Variants in MAP1B observed in about 807,000 individuals in gnomAD.
MAP1B encodes microtubule associated protein 1B.
MAP1B carries 12 observed loss-of-function variants against 176.1 expected under a neutral mutation model. That is an observed-to-expected ratio of 0.07 (90% confidence interval 0.04 to 0.11). The LOEUF (loss-of-function observed/expected upper bound fraction) is 0.11, where lower values mean the gene tolerates loss of function less well. Among genes scored for constraint, MAP1B ranks in the 10% least tolerant of loss-of-function variants. MAP1B has a pLI of 1.00. For synonymous variants in MAP1B, 1,044 were observed against 1,135.0 expected (o/e 0.92, Z 1.61); for missense variants, 2,523 against 2,990.5 (o/e 0.84, Z 3.65).
In MAP1B at chr5:72,151,766, C is replaced by T. The variant is rs1746144521; in HGVS notation, c.287-31977C>T. On this transcript the variant is annotated intron_variant, in intron 2 of 6. Transcript: ENST00000296755. Reference sequence around the variant, plus strand: ...CTCACCCAGGGGCCAGCCTCTCTCTCTGTGTTTTTTACAGTTCCCTCCCTG... The same window carrying T: ...CTCACCCAGGGGCCAGCCTCTCTCTTTGTGTTTTTTACAGTTCCCTCCCTG... 3.3e-5 allele frequency among the ~76,000 whole-genome samples: 5 copies of T among 152,324 alleles called. No individual in the cohort carries two copies. The South Asian group carries it at 1.0e-3, about 32-fold the overall frequency.
intron 2 of MAP1B, among the ~76,000 whole-genome samples, chr5:72,179,344 G>A (rs1030314457): frequency 1.3e-5 from 2 of 152,236 alleles, no homozygotes; most frequent in Non-Finnish European, 2.9e-5. Context: ...GTCGAATGGA[G>A]AATGCGGACT....
rs1437630406 is a variant in MAP1B at position 72,199,071 on chromosome 5, T to A, written c.5716T>A (p.Tyr1906Asn). ...TRTSDVGGYY[Y>N]EKIERTTKSP... ...GACCTCAGATGTGGGTGGCTATTAC[T>A]ATGAGAAGATAGAGAGAACCACAAA... Residue 1906 changes from tyrosine to asparagine, a missense_variant, in exon 5 of 7, where the codon TAT (tyrosine) becomes AAT (asparagine). By Grantham distance (143) the Tyr-to-Asn change is moderately radical (BLOSUM62 -2). Around this residue, in one of 4 missense-constraint regions of MAP1B, gnomAD observed 1,925 missense variants for 2,126.0 expected, o/e 0.91. Coordinates refer to ENST00000296755, the MANE Select transcript of MAP1B (RefSeq NM_005909.5). This position sits in a 1 kb window ranked among gnomAD's most constrained non-coding sequence, Gnocchi z 4.2. 1 of 1,613,974 alleles carries A rather than the reference T, an allele frequency of 6.2e-7. No homozygotes were observed. Among genetic ancestry groups the A allele is most frequent in the African/African-American group, 1.3e-5 (1 of 74,912 alleles).
intron 2 of MAP1B, among the ~76,000 whole-genome samples, chr5:72,159,415 T>C (rs1386785232): frequency 2.3e-5 from 3 of 129,214 alleles, no homozygotes; most frequent in African/African-American, 8.2e-5. Flanking sequence ...GTCTGGTGTC[T>C]GGAAGCTACT....
rs745858731 is a variant in MAP1B at position 72,196,607 on chromosome 5, A to G, written c.3252A>G (p.Ser1084=). 5.6e-6 allele frequency: 9 copies of G among 1,613,936 alleles called. No individual in the cohort carries two copies. Among genetic ancestry groups the G allele is most frequent in the Non-Finnish European group, 7.6e-6 (9 of 1,180,034 alleles). The change falls in exon 5 of 7, where the codon TCA becomes TCG. Residue 1084 remains serine (S), a synonymous_variant. Coordinates refer to ENST00000296755, the MANE Select transcript of MAP1B (RefSeq NM_005909.5). This position sits in a 1 kb window ranked among gnomAD's most constrained non-coding sequence, Gnocchi z 5.3. ...CTCCTGGCCGAGAACCTGCATCTTC[A>G]ATTCATGATGAGACTTTACCTGGAG... ...AQSPGREPAS[S]IHDETLPGGS... is the part of the protein sequence containing the mutation.
At chr5:72,147,691 G>A (rs1282870552) in intron 2 of MAP1B, among the ~76,000 whole-genome samples, 1 of 152,206 alleles carries the variant, frequency 6.6e-6, no homozygotes, top group Non-Finnish European at 1.5e-5. Context: ...CTCCAGTACA[G>A]ACAGAAGGTG....
Position 72,129,120 on chromosome 5 carries a change from TC to T in MAP1B, c.286+13323del, listed in dbSNP as rs140202151. On this transcript the variant is annotated intron_variant, in intron 2 of 6. Coordinates refer to ENST00000296755, the MANE Select transcript of MAP1B (RefSeq NM_005909.5). ...AAGATTTATCTGGAATATCTTTAGA[TC>T]CTAGGAAGAGACAAGGTTGTCTAGC... Among the ~76,000 whole-genome samples the T allele has an allele frequency of 8.3e-3, 1,260 of 152,328 alleles. 16 individuals carry two copies. The highest frequency in any genetic ancestry group is 0.029 in the African/African-American group (1,194 of 41,568).
Position 72,196,056 on chromosome 5 carries a change from G to A in MAP1B, c.2701G>A (p.Gly901Arg). The stretch of plus-strand genomic sequence containing the variant: ...TGATGAGGGAATCACTACCACTGAA[G>A]GGGAGGGCGAATGTGAACAGACACC... ...SPDEGITTTE[G>R]EGECEQTPEE... is the part of the protein sequence containing the mutation. Residue 901 changes from glycine (G) to arginine (R), a missense_variant, in exon 5 of 7, where the codon GGG becomes AGG. By Grantham distance (125) the Gly-to-Arg change is moderately radical. Around this residue, in one of 4 missense-constraint regions of MAP1B, gnomAD observed 1,925 missense variants for 2,126.0 expected, o/e 0.91. Coordinates refer to ENST00000296755, the MANE Select transcript of MAP1B (RefSeq NM_005909.5). This position sits in a 1 kb window ranked among gnomAD's most constrained non-coding sequence, Gnocchi z 5.3. 1.2e-6 allele frequency: 2 copies of A among 1,614,200 alleles called. No individual in the cohort carries two copies. The highest frequency in any genetic ancestry group is 2.2e-5 in the East Asian group (1 of 44,882).
At chr5:72,131,031 T>G (rs1009220436) in intron 2 of MAP1B, among the ~76,000 whole-genome samples, 1 of 152,200 alleles carries the variant, frequency 6.6e-6, no homozygotes, top group Non-Finnish European at 1.5e-5. Context: ...TCTGGTAATG[T>G]GTCAGTACTA....
At chr5:72,134,906 T>G (rs1745808768) in intron 2 of MAP1B, among the ~76,000 whole-genome samples, 1 of 147,230 alleles carries the variant, frequency 6.8e-6, no homozygotes, top group South Asian at 2.3e-4. Context: ...TAGTATGTCT[T>G]AAAGTCTCAT....
chr5:72,168,887 T>G (rs1208591616), intron 2 of MAP1B, among the ~76,000 whole-genome samples: 2 of 152,254 alleles, frequency 1.3e-5, no homozygotes, highest in African/African-American at 2.4e-5. Context: ...GTTTGTTAAG[T>G]AAACCATTAA....
At position 72,186,746 on chromosome 5, in the gene MAP1B, G is replaced by C. The variant is rs1181641496; in HGVS notation, c.502G>C (p.Asp168His). The part of the protein sequence containing the change: ...SFQNFIEIFT[D>H]QEIGELLSTT... ...CCAGAACTTCATAGAGATTTTCACC[G>C]ATCAAGAGGTAGGTTCGTGTCTGAG... Residue 168 changes from aspartate (D) to histidine (H), a missense_variant, in exon 4 of 7, where the codon GAT becomes CAT. Around this residue, in one of 4 missense-constraint regions of MAP1B, gnomAD observed 307 missense variants for 438.4 expected, o/e 0.70. Transcript: ENST00000296755. The surrounding 1 kb of genome is among the most constrained non-coding windows in gnomAD (Gnocchi z 4.3). The C allele has an allele frequency of 6.2e-7, 1 of 1,614,048 alleles. No individual in the cohort carries two copies. Among genetic ancestry groups the C allele is most frequent in the Admixed American group, 1.7e-5 (1 of 60,018 alleles).
chr5:72,115,093 G>C (rs370512237), intron 1 of MAP1B, among the ~76,000 whole-genome samples: 2 of 152,258 alleles, frequency 1.3e-5, no homozygotes, highest in African/African-American at 4.8e-5. Context: ...CTTGAAGATT[G>C]AGTGGATCCA....
chr5:72,184,647 G>T (rs973411045), intron 3 of MAP1B, among the ~76,000 whole-genome samples: 2 of 152,190 alleles, frequency 1.3e-5, no homozygotes, highest in African/African-American at 4.8e-5. Flanking sequence ...CAGGCCAGAG[G>T]AGTTGCTATC....
At chr5:72,158,732 T>C (rs1165112113) in intron 2 of MAP1B, among the ~76,000 whole-genome samples, 1 of 152,190 alleles carries the variant, frequency 6.6e-6, no homozygotes, top group African/African-American at 2.4e-5. Context: ...GTGCCCTTAT[T>C]GTTCTAAGAC....
At chr5:72,153,805 A>G (rs1475533727) in intron 2 of MAP1B, among the ~76,000 whole-genome samples, 1 of 152,204 alleles carries the variant, frequency 6.6e-6, no homozygotes, top group Non-Finnish European at 1.5e-5. Flanking sequence ...TAGAAATGAC[A>G]AAAACGTCTC....
rs1580024076 is a variant in MAP1B, at chr5:72,197,145, C to T, written c.3790C>T (p.Pro1264Ser). 1.2e-6 allele frequency: 2 copies of T among 1,614,218 alleles called. No individual in the cohort carries two copies. The highest frequency in any genetic ancestry group is 1.7e-6 in the Non-Finnish European group (2 of 1,180,032). Reference protein sequence around the residue: ...SKSPSLSPSPPSPLEKTPLGE... With the variant: ...SKSPSLSPSPSSPLEKTPLGE... ...GAGCCCGTCCCTGAGTCCATCTCCA[C>T]CATCACCCTTAGAAAAGACCCCCCT... The change falls in exon 5 of 7, where the codon CCA (proline) becomes TCA (serine). Residue 1264 changes from proline to serine, a missense_variant. Pro to Ser is a moderately conservative substitution (Grantham distance 74). Coordinates refer to ENST00000296755, the MANE Select transcript of MAP1B (RefSeq NM_005909.5).
At chr5:72,155,102 G>A (rs1746204919) in intron 2 of MAP1B, among the ~76,000 whole-genome samples, 1 of 152,178 alleles carries the variant, frequency 6.6e-6, no homozygotes, top group South Asian at 2.1e-4. Flanking sequence ...TCCATTCACT[G>A]GTTTAGCACT....
Position 72,196,485 on chromosome 5 carries a change from T to C in MAP1B, c.3130T>C (p.Tyr1044His), listed in dbSNP as rs756231666. The C allele has an allele frequency of 5.6e-6, 9 of 1,613,684 alleles. No individual in the cohort carries two copies. Among genetic ancestry groups the C allele is most frequent in the Non-Finnish European group, 7.6e-6 (9 of 1,180,022 alleles). Residue 1044 changes from tyrosine to histidine, a missense_variant, in exon 5 of 7, where the codon TAT (tyrosine) becomes CAT (histidine). By Grantham distance (83) the Tyr-to-His change is moderately conservative. Transcript: ENST00000296755. The surrounding 1 kb of genome is among the most constrained non-coding windows in gnomAD (Gnocchi z 5.3). ...GCCGGAAAAAATGGAAGCTGAAGAC[T>C]ATGTGATGGCTGTGGTCGACAAGGC... ...YEPEKMEAED[Y>H]VMAVVDKAAE...
intron 2 of MAP1B, among the ~76,000 whole-genome samples, chr5:72,152,925 C>T (rs1746169001): frequency 6.6e-6 from 1 of 152,164 alleles, no homozygotes; most frequent in Admixed American, 6.5e-5. Flanking sequence ...CCTGCTGGAA[C>T]AGGAAGCAGC....
Sources: gnomAD v4.1 joint callset for allele counts (sites outside exome capture counted in the v4.1 genomes callset) on GRCh38, gnomAD v4.1.1 for gene constraint, gnomAD v4.1.1 regional missense constraint, Gnocchi (gnomAD v3.1) non-coding constraint, MANE v1.5 for transcripts, NCBI Gene and HGNC (gene_info 2026-07-23, HGNC 2026-07-21) for gene names.